Variants in DERA observed in about 807,000 individuals in gnomAD.
The protein encoded by DERA is 2-deoxy-D-ribose 5-phosphate aldolase.
DERA carries 15 observed loss-of-function variants against 41.1 expected under a neutral mutation model. That is an observed-to-expected ratio of 0.37 (90% CI 0.24 to 0.56). The LOEUF (loss-of-function observed/expected upper bound fraction) is 0.56. Ranked by LOEUF, DERA falls within the 20% of genes least tolerant of loss-of-function variation. The probability of loss-of-function intolerance (pLI) is 0.81; values close to 1 mark genes in which losing one functional copy is unlikely to be tolerated. For synonymous variants in DERA, 139 were observed against 137.4 expected, an observed-to-expected ratio of 1.01 and a Z score of -0.08; for missense variants, 396 against 403.4, an observed-to-expected ratio of 0.98 and a Z score of 0.16.
intron 1 of DERA, among the ~76,000 whole-genome samples, chr12:15,912,025 T>C (rs1027790341): frequency 1.3e-5 from 2 of 152,072 alleles, no homozygotes; most frequent in Admixed American, 6.5e-5. Context: ...GATTTCTTTT[T>C]TTTTTTTTTT....
Position 15,935,287 on chromosome 12 carries a change from GAC to G in DERA, c.32-21648_32-21647del, listed in dbSNP as rs1423238693. ...GGATCACTTGAGCCCAGGAGTTCAA[GAC>G]CACCCTGGGCAACATGGCAAAACCC... On this transcript the variant is annotated intron_variant, in intron 1 of 8. Transcript: ENST00000428559. The surrounding 1 kb of genome is among the most constrained non-coding windows in gnomAD (Gnocchi z 4.8). Among the ~76,000 whole-genome samples the G allele has an allele frequency of 6.6e-6, 1 of 152,036 alleles. No homozygotes were observed. Among genetic ancestry groups the G allele is most frequent in the Non-Finnish European group, 1.5e-5 (1 of 68,006 alleles).
intron 1 of DERA, among the ~76,000 whole-genome samples, chr12:15,916,885 T>G (rs908206874): frequency 6.6e-6 from 1 of 152,360 alleles, no homozygotes; most frequent in Non-Finnish European, 1.5e-5. Flanking sequence ...TGGCTGGGAC[T>G]ATAGGCTGTA....
At position 15,998,366 on chromosome 12, in the gene DERA, A is replaced by C. The variant is rs1948853065; in HGVS notation, c.637+15930A>C. Among the ~76,000 whole-genome samples, 1 of 152,010 alleles carries C rather than the reference A, an allele frequency of 6.6e-6. No individual in the cohort carries two copies. Among genetic ancestry groups the C allele is most frequent in the Non-Finnish European group, 1.5e-5 (1 of 68,012 alleles). ...GGAGTCTAGCTGTGTCGCCCAGGCTAGAGTGCAATGGCCGGATCTTGGCTC... is the reference window on the plus strand; with the variant it reads ...GGAGTCTAGCTGTGTCGCCCAGGCTCGAGTGCAATGGCCGGATCTTGGCTC... On this transcript the variant is annotated intron_variant, in intron 6 of 8. Coordinates refer to ENST00000428559, the MANE Select transcript of DERA (RefSeq NM_015954.4). This position sits in a 1 kb window ranked among gnomAD's most constrained non-coding sequence, Gnocchi z 4.8.
chr12:16,005,432 CAGAG>C (rs1400830865), intron 6 of DERA, among the ~76,000 whole-genome samples: 1 of 152,032 alleles, frequency 6.6e-6, no homozygotes, highest in Non-Finnish European at 1.5e-5. Flanking sequence ...GCCTGGGTAA[CAGAG>C]AGAAAAAAAA....
rs1377745626 is a variant in DERA at position 15,984,231 on chromosome 12, G to C, written c.637+1795G>C. Among the ~76,000 whole-genome samples, 9 of 152,262 alleles carry C rather than the reference G, an allele frequency of 5.9e-5. No individual in the cohort carries two copies. In the East Asian group the frequency reaches 1.5e-3, roughly 26 times the overall value. On this transcript the variant is annotated intron_variant, in intron 6 of 8. Transcript: ENST00000428559. The surrounding 1 kb of genome is among the most constrained non-coding windows in gnomAD (Gnocchi z 4.5). ...AGCTGTTATCCTGGTCACAATGAAAGTGTATTCATTCTGGGAGGTCAGCCA... is the reference window on the plus strand; with the variant it reads ...AGCTGTTATCCTGGTCACAATGAAACTGTATTCATTCTGGGAGGTCAGCCA...
rs1948270252 is a variant in DERA, at chr12:15,924,821, T to C, written c.31+13407T>C. ...ACTTTTCAACACTGATCTGCTAAGA[T>C]ACTTTGCCTTCTTTTATGGTACCTA... On this transcript the variant is annotated intron_variant, in intron 1 of 8. Transcript: ENST00000428559. The surrounding 1 kb of genome is among the most constrained non-coding windows in gnomAD (Gnocchi z 5.0). 6.6e-6 allele frequency among the ~76,000 whole-genome samples: 1 copy of C among 152,252 alleles called. No individual in the cohort carries two copies. The highest frequency in any genetic ancestry group is 6.5e-5 in the Admixed American group (1 of 15,294).
intron 1 of DERA, among the ~76,000 whole-genome samples, chr12:15,929,728 C>T (rs774105560): frequency 6.6e-6 from 1 of 152,164 alleles, no homozygotes; most frequent in Non-Finnish European, 1.5e-5. Flanking sequence ...GGTACATATA[C>T]AGTATGTACA....
intron 5 of DERA, among the ~76,000 whole-genome samples, chr12:15,964,581 C>T (rs182516424): frequency 3.9e-5 from 6 of 152,216 alleles, no homozygotes; most frequent in Admixed American, 1.3e-4. Context: ...CTTTTAGTCA[C>T]GGATTTCACT....
chr12:15,949,686 A>G (rs750261845), intron 1 of DERA, among the ~76,000 whole-genome samples: 32 of 152,112 alleles, frequency 2.1e-4, no homozygotes, highest in Non-Finnish European at 3.7e-4. Context: ...GCTCACGCTC[A>G]GTGGGCTGCA....
Position 15,965,442 on chromosome 12 carries a change from C to T in DERA, c.508+2495C>T, listed in dbSNP as rs1003356454. 6.6e-6 allele frequency among the ~76,000 whole-genome samples: 1 copy of T among 152,158 alleles called. No homozygotes were observed. The highest frequency in any genetic ancestry group is 2.4e-5 in the African/African-American group (1 of 41,436). On this transcript the variant is annotated intron_variant, in intron 5 of 8. Coordinates refer to ENST00000428559, the MANE Select transcript of DERA (RefSeq NM_015954.4). This position sits in a 1 kb window ranked among gnomAD's most constrained non-coding sequence, Gnocchi z 4.1. ...CATGCATTAGCTATTTTCCCTAATG[C>T]ACTACCTGCCTCCACCCTCCCCCAA...
chr12:16,029,548 T>C (rs1469214362), intron 6 of DERA, among the ~76,000 whole-genome samples: 1 of 152,188 alleles, frequency 6.6e-6, no homozygotes, highest in Non-Finnish European at 1.5e-5. Context: ...ATTAGTCAGT[T>C]AAAGGTGGAA....
At chr12:15,987,486 C>G (rs552389617) in intron 6 of DERA, among the ~76,000 whole-genome samples, 2 of 152,020 alleles carry the variant, frequency 1.3e-5, no homozygotes, top group African/African-American at 4.8e-5. Context: ...ATCCGCCTAC[C>G]TTGACCTCCC....
At chr12:15,968,089 T>TC (rs1948635954) in intron 5 of DERA, among the ~76,000 whole-genome samples, 1 of 150,720 alleles carries the variant, frequency 6.6e-6, no homozygotes, top group East Asian at 1.9e-4. Flanking sequence ...TCTTCTTCTT[T>TC]TTTTTTTTTT....
intron 7 of DERA, among the ~76,000 whole-genome samples, chr12:16,034,949 C>T (rs1180355175): frequency 9.5e-5 from 2 of 21,026 alleles, no homozygotes; most frequent in African/African-American, 4.0e-4. Flanking sequence ...TCCTACTTAA[C>T]CCCCTACTAC....
At position 16,036,781 on chromosome 12, in the gene DERA, A is replaced by C. The variant is rs1244678599; in HGVS notation, c.*35A>C. The C allele has an allele frequency of 1.4e-6, 2 of 1,460,292 alleles. No individual in the cohort carries two copies. The highest frequency in any genetic ancestry group is 2.1e-5 in the Admixed American group (1 of 46,750). The allele number at this position is 1,460,292 out of a possible 1,614,324, so 90.5% of individuals were successfully genotyped here. On this transcript the variant is annotated 3_prime_UTR_variant, in exon 9 of 9. Coordinates refer to ENST00000428559, the MANE Select transcript of DERA (RefSeq NM_015954.4). This position sits in a 1 kb window ranked among gnomAD's most constrained non-coding sequence, Gnocchi z 4.9. ...CAGTTCCAGAAAAGTTCTTTACGAC[A>C]ATGTTTAAAAATTATTTTTCTACGT...
rs562732447 is a variant in DERA at position 15,989,637 on chromosome 12, A to T, written c.637+7201A>T. Among the ~76,000 whole-genome samples the T allele has an allele frequency of 8.1e-4, 124 of 152,258 alleles. 1 individual carries two copies. Among genetic ancestry groups the T allele is most frequent in the Non-Finnish European group, 1.6e-3 (112 of 68,002 alleles). On this transcript the variant is annotated intron_variant, in intron 6 of 8. Coordinates refer to ENST00000428559, the MANE Select transcript of DERA (RefSeq NM_015954.4). This position sits in a 1 kb window ranked among gnomAD's most constrained non-coding sequence, Gnocchi z 5.2. ...CTGGTGACATTCTGTTATGTCTGTT[A>T]TTCTTCTCTGTTTTTGTTTTCCCAT...
rs374625319 is a variant in DERA, at chr12:16,003,602, A to C, written c.637+21166A>C. On this transcript the variant is annotated intron_variant, in intron 6 of 8. Transcript: ENST00000428559. The surrounding 1 kb of genome is among the most constrained non-coding windows in gnomAD (Gnocchi z 4.8). ...TGTAGGCTAGATGCCAACTAAAAAC[A>C]ACTGCTGGGGGCAGTGGAGAGGGAA... is the stretch of plus-strand genomic sequence containing the variant. 1.3e-5 allele frequency among the ~76,000 whole-genome samples: 2 copies of C among 152,186 alleles called. No individual in the cohort carries two copies. The highest frequency in any genetic ancestry group is 2.1e-4 in the South Asian group (1 of 4,828).
intron 6 of DERA, among the ~76,000 whole-genome samples, chr12:16,015,900 TC>T (rs1272908038): frequency 6.6e-6 from 1 of 152,228 alleles, no homozygotes; most frequent in East Asian, 1.9e-4. Flanking sequence ...TTTCCTCCTT[TC>T]TCCCTCATGA....
Position 16,004,874 on chromosome 12 carries a change from C to T in DERA, c.637+22438C>T, listed in dbSNP as rs910298946. Among the ~76,000 whole-genome samples the T allele has an allele frequency of 7.9e-5, 12 of 152,022 alleles. No individual in the cohort carries two copies. The highest frequency in any genetic ancestry group is 2.9e-4 in the African/African-American group (12 of 41,398). On this transcript the variant is annotated intron_variant, in intron 6 of 8. Coordinates refer to ENST00000428559, the MANE Select transcript of DERA (RefSeq NM_015954.4). The surrounding 1 kb of genome is among the most constrained non-coding windows in gnomAD (Gnocchi z 4.2). ...GTCTGCATATGTGTGTTTCCTAGTT[C>T]AAGGAGTTAGAAAACTTTTGATAAT...
Sources: gnomAD v4.1 joint callset for allele counts (sites outside exome capture counted in the v4.1 genomes callset) on GRCh38, gnomAD v4.1.1 for gene constraint, Gnocchi (gnomAD v3.1) non-coding constraint, MANE v1.5 for transcripts, NCBI Gene and HGNC (gene_info 2026-07-23, HGNC 2026-07-21) for gene names.